LIN52: variants seen among roughly 807,000 people sequenced by gnomAD.
The protein encoded by LIN52 is lin-52 DREAM MuvB core complex component, also known as protein lin-52 homolog.
LIN52 carries 4 observed loss-of-function variants against 18.5 expected under a neutral mutation model. The observed-to-expected ratio is 0.22, with a 90% CI of 0.11 to 0.49. LIN52 has a LOEUF of 0.49. Ranked by LOEUF, LIN52 falls within the 20% of genes least tolerant of loss-of-function variation. The pLI, the probability that LIN52 is intolerant of heterozygous loss-of-function variation, is 0.97. For synonymous variants in LIN52, 34 were observed against 45.5 expected, an observed-to-expected ratio of 0.75 and a Z score of 1.02; for missense variants, 102 against 139.5, an observed-to-expected ratio of 0.73 and a Z score of 1.35.
chr14:74,090,018 CTTTTTT>C (rs34660535), intron 1 of LIN52, among the ~76,000 whole-genome samples: 1 of 125,860 alleles, frequency 7.9e-6, no homozygotes, highest in African/African-American at 3.0e-5. Context: ...ACAGTGCACT[CTTTTTT>C]TTTTTTTTTT....
At chr14:74,130,278 G>GTTTTTTTTGTTTTTTTTTTTTTTT (rs2061055134) in intron 5 of LIN52, among the ~76,000 whole-genome samples, 1 of 64,842 alleles carries the variant, frequency 1.5e-5, no homozygotes, top group African/African-American at 6.3e-5. Flanking sequence ...GCATTTTTTG[G>GTTTTTTTTGTTTTTTTTTTTTTTT]TTTTTTTTTT....
chr14:74,193,844 C>T (rs1595194692), intron 5 of LIN52, among the ~76,000 whole-genome samples: 1 of 152,092 alleles, frequency 6.6e-6, no homozygotes, highest in African/African-American at 2.4e-5. Flanking sequence ...ATTACAATCT[C>T]CTAAAAGCAA....
At chr14:74,127,700 G>A (rs958832894) in intron 5 of LIN52, among the ~76,000 whole-genome samples, 1 of 152,170 alleles carries the variant, frequency 6.6e-6, no homozygotes, top group African/African-American at 2.4e-5. Flanking sequence ...GAGAGAAGTA[G>A]TTAATTTGAG....
intron 5 of LIN52, among the ~76,000 whole-genome samples, chr14:74,176,873 C>A (rs148426035): frequency 6.6e-6 from 1 of 152,336 alleles, no homozygotes; most frequent in African/African-American, 2.4e-5. Context: ...CCCTGCTAGA[C>A]CAAAGTAACC....
At chr14:74,152,849 A>G (rs1352960591) in intron 5 of LIN52, among the ~76,000 whole-genome samples, 1 of 151,302 alleles carries the variant, frequency 6.6e-6, no homozygotes, top group African/African-American at 2.4e-5. Flanking sequence ...AATCCCAGCT[A>G]CTCAGGTGGC....
rs1461884946 is a variant in LIN52, at chr14:74,162,477, A to C, written c.284-36445A>C. Among the ~76,000 whole-genome samples, 269 of 114,854 alleles carry C rather than the reference A, an allele frequency of 2.3e-3. 3 individuals carry two copies. Among genetic ancestry groups the C allele is most frequent in the African/African-American group, 7.5e-3 (260 of 34,772 alleles). The allele number at this position is 114,854 out of a possible 152,430, so 75.3% of individuals were successfully genotyped here. On this transcript the variant is annotated intron_variant, in intron 5 of 5. Transcript: ENST00000555028. ...CAACAAAGCAAGACTCCATCTCACA[A>C]AAAAAAAAAAAAAAAAAAGATTGCT...
At chr14:74,155,425 G>A (rs2061195370) in intron 5 of LIN52, among the ~76,000 whole-genome samples, 1 of 152,182 alleles carries the variant, frequency 6.6e-6, no homozygotes, top group African/African-American at 2.4e-5. Flanking sequence ...GGGAAATCAG[G>A]GCTTCATGTT....
At chr14:74,120,079 G>T (rs531368987) in intron 5 of LIN52, among the ~76,000 whole-genome samples, 1 of 151,580 alleles carries the variant, frequency 6.6e-6, no homozygotes, top group Non-Finnish European at 1.5e-5. Context: ...CGGGTGATCC[G>T]CCTGCCTCGG....
intron 5 of LIN52, among the ~76,000 whole-genome samples, chr14:74,141,971 C>T (rs1364831872): frequency 6.6e-6 from 1 of 152,192 alleles, no homozygotes; most frequent in African/African-American, 2.4e-5. Context: ...GCTAACAAAG[C>T]AAGTTTGTGC....
chr14:74,129,016 A>G (rs1333339230), intron 5 of LIN52, among the ~76,000 whole-genome samples: 1 of 152,210 alleles, frequency 6.6e-6, no homozygotes, highest in Non-Finnish European at 1.5e-5. Flanking sequence ...TTATGCATTT[A>G]GTTTTTGACA....
At chr14:74,180,564 G>A (rs2061314182) in intron 5 of LIN52, among the ~76,000 whole-genome samples, 1 of 152,056 alleles carries the variant, frequency 6.6e-6, no homozygotes, top group South Asian at 2.1e-4. Context: ...AGCCTAGGGA[G>A]GAGGAATTTT....
intron 5 of LIN52, 108 bp downstream of exon 5, chr14:74,101,346 A>G: frequency 1.5e-6 from 1 of 645,320 alleles, no homozygotes; most frequent in Non-Finnish European, 2.5e-6. Context: ...TTCAGAAAGT[A>G]TATTAGGGAA....
intron 5 of LIN52, among the ~76,000 whole-genome samples, chr14:74,137,954 CCTT>C (rs1314465639): frequency 2.6e-5 from 4 of 152,174 alleles, no homozygotes; most frequent in African/African-American, 4.8e-5. Flanking sequence ...GGTATCCTCT[CCTT>C]CTTCCAAATG....
At chr14:74,100,694 T>C (rs2060847819) in intron 4 of LIN52, among the ~76,000 whole-genome samples, 1 of 152,220 alleles carries the variant, frequency 6.6e-6, no homozygotes, top group African/African-American at 2.4e-5. Context: ...CAGGCTGGTC[T>C]CAAACCCCTG....
chr14:74,091,199 GTCT>G (rs1566843051), intron 1 of LIN52, 30 bp from the exon 2 acceptor site: 3 of 1,505,316 alleles, frequency 2.0e-6, no homozygotes, highest in Non-Finnish European at 2.8e-6. Context: ...TGTGTTTCCT[GTCT>G]TCTTGGTTCA....
At chr14:74,198,852 T>C in intron 5 of LIN52, 70 bp from the exon 6 acceptor site, 2 of 1,156,096 alleles carry the variant, frequency 1.7e-6, no homozygotes, top group Non-Finnish European at 2.6e-6. Context: ...ATTTTTAAAT[T>C]AAATCTTCCT....
intron 5 of LIN52, among the ~76,000 whole-genome samples, chr14:74,177,739 A>G (rs2139581664): frequency 6.6e-6 from 1 of 152,306 alleles, no homozygotes; most frequent in South Asian, 2.1e-4. Flanking sequence ...AATGACAGCA[A>G]TTGGTCATAC....
intron 5 of LIN52, among the ~76,000 whole-genome samples, chr14:74,106,161 C>T (rs937122547): frequency 6.6e-6 from 1 of 152,210 alleles, no homozygotes; most frequent in African/African-American, 2.4e-5. Context: ...TTATTTCCAT[C>T]TGAGCTCAGA....
intron 5 of LIN52, among the ~76,000 whole-genome samples, chr14:74,152,170 C>T (rs908018705): frequency 6.6e-6 from 1 of 150,850 alleles, no homozygotes; most frequent in Non-Finnish European, 1.5e-5. Flanking sequence ...GGCTGAGGCA[C>T]GAGAACCACT....
Sources: allele counts gnomAD v4.1 joint callset (sites outside exome capture counted in the v4.1 genomes callset), GRCh38; gene constraint gnomAD v4.1.1; transcripts MANE v1.5; gene names NCBI Gene and HGNC (gene_info 2026-07-23, HGNC 2026-07-21).